The following KCNH8 variants were observed in gnomAD, a reference collection of about 807,000 sequenced individuals.
The protein encoded by KCNH8 is voltage-gated delayed rectifier potassium channel KCNH8.
KCNH8 carries 70 observed loss-of-function variants against 103.6 expected under a neutral mutation model. The observed-to-expected ratio is 0.68, with a 90% CI of 0.56 to 0.82. The LOEUF (loss-of-function observed/expected upper bound fraction) is 0.82, where lower values mean the gene tolerates loss of function less well. Among genes scored for constraint, KCNH8 ranks in the 40% least tolerant of loss-of-function variants. The pLI is 0.00. For missense variants in KCNH8, 1,217 were observed against 1,329.9 expected, an observed-to-expected ratio of 0.92 and a Z score of 1.32; for synonymous variants, 498 against 489.4, an observed-to-expected ratio of 1.02 and a Z score of -0.23.
intron 2 of KCNH8, among the ~76,000 whole-genome samples, chr3:19,271,030 T>G (rs2064580125): frequency 6.6e-6 from 1 of 152,180 alleles, no homozygotes; most frequent in South Asian, 2.1e-4. Flanking sequence ...TCCTAGCTTA[T>G]GTTATCAAAA....
At chr3:19,266,324 T>A (rs945445457) in intron 2 of KCNH8, among the ~76,000 whole-genome samples, 1 of 152,130 alleles carries the variant, frequency 6.6e-6, no homozygotes, top group Non-Finnish European at 1.5e-5. Flanking sequence ...GTTTTGTTTT[T>A]TAAAAAATCT....
chr3:19,505,955 T>C (rs188377982), intron 11 of KCNH8, among the ~76,000 whole-genome samples: 1 of 151,776 alleles, frequency 6.6e-6, no homozygotes, highest in East Asian at 1.9e-4. Flanking sequence ...TGGTTTATTC[T>C]GCTCTTAATA....
At chr3:19,503,951 ATTACT>A (rs1399207524) in intron 11 of KCNH8, among the ~76,000 whole-genome samples, 1 of 151,858 alleles carries the variant, frequency 6.6e-6, no homozygotes, top group East Asian at 1.9e-4. Context: ...AATAAAGAAA[ATTACT>A]TTCTTTAAGA....
chr3:19,450,632 G>C (rs1014263867), intron 9 of KCNH8: 2 of 314,394 alleles, frequency 6.4e-6, no homozygotes, highest in Non-Finnish European at 1.2e-5. Flanking sequence ...TATTAATCAA[G>C]TTTCTGTTTC....
chr3:19,477,733 G>A (rs1004877324), intron 11 of KCNH8, among the ~76,000 whole-genome samples: 1 of 152,122 alleles, frequency 6.6e-6, no homozygotes, highest in Non-Finnish European at 1.5e-5. Context: ...ATCTTAAGAT[G>A]TCTTACTATG....
chr3:19,510,440 T>C, intron 12 of KCNH8, 39 bp downstream of exon 12: 2 of 1,229,252 alleles, frequency 1.6e-6, no homozygotes, highest in South Asian at 2.4e-5. Context: ...TTATCTAAAA[T>C]CTGGAGGATT....
At chr3:19,494,115 G>C (rs903502302) in intron 11 of KCNH8, among the ~76,000 whole-genome samples, 3 of 152,206 alleles carry the variant, frequency 2.0e-5, no homozygotes, top group Non-Finnish European at 4.4e-5. Flanking sequence ...TCGTGTGTTA[G>C]TTTGCTTAGG....
intron 11 of KCNH8, among the ~76,000 whole-genome samples, chr3:19,475,448 T>C (rs1483829597): frequency 6.6e-6 from 1 of 152,198 alleles, no homozygotes; most frequent in South Asian, 2.1e-4. Context: ...GGTTGCCATG[T>C]GATAACTCTA....
chr3:19,242,228 C>A (rs963648916), intron 1 of KCNH8, among the ~76,000 whole-genome samples: 3 of 152,098 alleles, frequency 2.0e-5, no homozygotes, highest in African/African-American at 7.2e-5. Flanking sequence ...GCAAAGATTT[C>A]TAGGTAGTAT....
intron 5 of KCNH8, among the ~76,000 whole-genome samples, chr3:19,359,604 T>A (rs2065922951): frequency 6.6e-6 from 1 of 151,992 alleles, no homozygotes. Context: ...TATTGCAAGA[T>A]GTTTAGCAAC....
intron 11 of KCNH8, among the ~76,000 whole-genome samples, chr3:19,462,493 T>C (rs1194080864): frequency 6.6e-6 from 1 of 152,090 alleles, no homozygotes; most frequent in East Asian, 1.9e-4. Flanking sequence ...GGGTTGTTTG[T>C]TTTTTTCTTG....
chr3:19,298,356 T>C (rs1268369730), intron 3 of KCNH8, among the ~76,000 whole-genome samples: 3 of 152,222 alleles, frequency 2.0e-5, no homozygotes, highest in Non-Finnish European at 2.9e-5. Flanking sequence ...GTCATTCTTA[T>C]AACAAGTAGA....
intron 1 of KCNH8, among the ~76,000 whole-genome samples, chr3:19,160,944 C>A (rs1314784999): frequency 6.6e-6 from 1 of 151,934 alleles, no homozygotes; most frequent in African/African-American, 2.4e-5. Context: ...TTCGGCACCA[C>A]CAAAAAGAAG....
intron 2 of KCNH8, among the ~76,000 whole-genome samples, chr3:19,275,702 G>C (rs1382515634): frequency 6.6e-6 from 1 of 152,164 alleles, no homozygotes; most frequent in African/African-American, 2.4e-5. Flanking sequence ...TTGCCAAGCA[G>C]CTTTGGGTAT....
chr3:19,467,494 G>A (rs983437205), intron 11 of KCNH8, among the ~76,000 whole-genome samples: 2 of 152,150 alleles, frequency 1.3e-5, no homozygotes, highest in Non-Finnish European at 2.9e-5. Flanking sequence ...ATATTCACCA[G>A]CTGTACAAAG....
chr3:19,503,468 C>T (rs1211307272), intron 11 of KCNH8, among the ~76,000 whole-genome samples: 2 of 152,110 alleles, frequency 1.3e-5, no homozygotes, highest in Non-Finnish European at 2.9e-5. Flanking sequence ...GCTATAAAGA[C>T]ACATGCACAC....
At position 19,390,462 on chromosome 3, in the gene KCNH8, C is replaced by A; in HGVS notation, c.812-19C>A. On this transcript the variant is annotated intron_variant, in intron 5 of 15. Coordinates refer to ENST00000328405, the MANE Select transcript of KCNH8 (RefSeq NM_144633.3). ...TCTGTCTCTTCCTTTTATTTCTCAA[C>A]CTTTTTTTTCCCAAGCAGATATTAT... 1 of 1,586,196 alleles carries A rather than the reference C, an allele frequency of 6.3e-7. No individual in the cohort carries two copies. The highest frequency in any genetic ancestry group is 1.1e-5 in the South Asian group (1 of 89,192).
chr3:19,179,073 A>T (rs2063427409), intron 1 of KCNH8, among the ~76,000 whole-genome samples: 1 of 151,360 alleles, frequency 6.6e-6, no homozygotes, highest in Non-Finnish European at 1.5e-5. Context: ...TGTAATAAAC[A>T]TTTTTTTTTC....
At chr3:19,522,392 TC>T (rs1401776206) in intron 15 of KCNH8, among the ~76,000 whole-genome samples, 9 of 151,832 alleles carry the variant, frequency 5.9e-5, no homozygotes, top group Admixed American at 2.0e-4. Context: ...TTTTTTTTTT[TC>T]AGTTCAAGTC....
Sources: allele counts gnomAD v4.1 joint callset (sites outside exome capture counted in the v4.1 genomes callset), GRCh38; gene constraint gnomAD v4.1.1; transcripts MANE v1.5; gene names NCBI Gene and HGNC (gene_info 2026-07-23, HGNC 2026-07-21).